Variants in AK4 observed in about 807,000 individuals in gnomAD.
AK4 encodes the protein adenylate kinase 4, also known as adenylate kinase 4, mitochondrial.
A neutral mutation model predicts 24.6 loss-of-function variants in AK4; 13 were observed. The observed-to-expected ratio is 0.53, with a 90% CI of 0.34 to 0.84. The LOEUF is 0.84. Among genes scored for constraint, AK4 ranks in the 40% least tolerant of loss-of-function variants. AK4 has a pLI of 0.01. For synonymous variants in AK4, 88 were observed against 107.0 expected, an observed-to-expected ratio of 0.82 and a Z score of 1.10; for missense variants, 192 against 288.2, an observed-to-expected ratio of 0.67 and a Z score of 2.42.
At chr1:65,203,448 A>G (rs1651724525) in intron 2 of AK4, among the ~76,000 whole-genome samples, 1 of 152,188 alleles carries the variant, frequency 6.6e-6, no homozygotes, top group Non-Finnish European at 1.5e-5. Context: ...AAATACTGTC[A>G]TTCTAATGAA....
chr1:65,199,250 A>G (rs1278804813), intron 2 of AK4, among the ~76,000 whole-genome samples: 1 of 152,078 alleles, frequency 6.6e-6, no homozygotes, highest in East Asian at 1.9e-4. Context: ...TTTGGTTTGC[A>G]TAAAAAAATT....
chr1:65,150,256 T>C (rs974666682), intron 1 of AK4, among the ~76,000 whole-genome samples: 21 of 147,166 alleles, frequency 1.4e-4, no homozygotes, highest in Admixed American at 4.9e-4. Context: ...TTTGCTCTTT[T>C]CCCTTGTTCT....
rs12404260 is a variant in AK4 at position 65,183,280 on chromosome 1, T to C, written c.146-7430T>C. ...TTTTATTTTGTTTTGAGTCAGAGTC[T>C]TGCTCTGTCGCCCAAGCTGGAGTGA... is the stretch of plus-strand genomic sequence containing the variant. On this transcript the variant is annotated intron_variant, in intron 1 of 4. Transcript: ENST00000327299. Among the ~76,000 whole-genome samples, 326 of 152,306 alleles carry C rather than the reference T, an allele frequency of 2.1e-3. 1 individual carries two copies. The highest frequency in any genetic ancestry group is 3.8e-3 in the Admixed American group (58 of 15,292).
Position 65,172,797 on chromosome 1 carries a change from T to A in AK4, c.146-17913T>A, listed in dbSNP as rs557010983. On this transcript the variant is annotated intron_variant, in intron 1 of 4. Coordinates refer to ENST00000327299, the MANE Select transcript of AK4 (RefSeq NM_013410.4). ...TCCAGAGTTGCAAGATGAAATGCGA[T>A]GCTTTCTTCTCTTCTTCTTCGCTAT... 2.0e-5 allele frequency among the ~76,000 whole-genome samples: 3 copies of A among 152,012 alleles called. No homozygotes were observed. In the South Asian group the frequency reaches 6.2e-4, roughly 32 times the overall value.
At chr1:65,185,105 C>T (rs1651053005) in intron 1 of AK4, among the ~76,000 whole-genome samples, 1 of 152,158 alleles carries the variant, frequency 6.6e-6, no homozygotes, top group East Asian at 1.9e-4. Context: ...GAAGGTCTTC[C>T]TCCACTGCTT....
At chr1:65,183,752 C>T (rs549175281) in intron 1 of AK4, among the ~76,000 whole-genome samples, 1 of 151,510 alleles carries the variant, frequency 6.6e-6, no homozygotes, top group Non-Finnish European at 1.5e-5. Flanking sequence ...CTTATTGGCT[C>T]TTCTACTTAC....
intron 1 of AK4, among the ~76,000 whole-genome samples, chr1:65,160,627 C>A (rs1311297445): frequency 2.0e-5 from 3 of 152,092 alleles, no homozygotes; most frequent in African/African-American, 4.8e-5. Context: ...TGAGGTCTTG[C>A]TCTGTTGCTC....
chr1:65,209,669 GAC>G (rs1257526159), intron 2 of AK4, among the ~76,000 whole-genome samples: 4 of 152,300 alleles, frequency 2.6e-5, no homozygotes, highest in African/African-American at 9.6e-5. Flanking sequence ...CCCAACTTGA[GAC>G]ACAGATGTAG....
rs1306284482 is a variant in AK4, at chr1:65,227,025, A to AC, written c.*848_*849insC. 2.1e-5 allele frequency: 3 copies of AC among 145,368 alleles called. No individual in the cohort carries two copies. The highest frequency in any genetic ancestry group is 4.0e-4 in the East Asian group (2 of 5,014). 9.0% of individuals were successfully genotyped at this position (145,368 alleles called of 1,614,324 possible). On this transcript the variant is annotated 3_prime_UTR_variant, in exon 5 of 5. Coordinates refer to ENST00000327299, the MANE Select transcript of AK4 (RefSeq NM_013410.4). ...CCTTTCTTTTATTGTGAAAAAAAAA[A>AC]AAAACCCTGAAAGTCTTGGGAACCC...
At chr1:65,152,381 TA>T (rs1649822905) in intron 1 of AK4, among the ~76,000 whole-genome samples, 5 of 60,484 alleles carry the variant, frequency 8.3e-5, no homozygotes, top group Non-Finnish European at 1.2e-4. Flanking sequence ...TATATATATA[TA>T]TATTTTTTTT....
chr1:65,181,584 G>A (rs920809927), intron 1 of AK4, among the ~76,000 whole-genome samples: 4 of 151,922 alleles, frequency 2.6e-5, no homozygotes, highest in Non-Finnish European at 5.9e-5. Context: ...ACGGGGATTC[G>A]CCATTGTTGG....
chr1:65,223,436 G>A (rs1037951873), intron 3 of AK4, among the ~76,000 whole-genome samples: 10 of 151,826 alleles, frequency 6.6e-5, no homozygotes, highest in Non-Finnish European at 1.2e-4. Flanking sequence ...TGATCCGCCC[G>A]CCTTGGCCTC....
At chr1:65,216,895 CT>C (rs1652149735) in intron 2 of AK4, among the ~76,000 whole-genome samples, 1 of 151,826 alleles carries the variant, frequency 6.6e-6, no homozygotes, top group African/African-American at 2.4e-5. Context: ...GAGATGGGTT[CT>C]CTCTACATTG....
At chr1:65,170,456 A>T (rs1650477885) in intron 1 of AK4, among the ~76,000 whole-genome samples, 1 of 152,198 alleles carries the variant, frequency 6.6e-6, no homozygotes, top group African/African-American at 2.4e-5. Flanking sequence ...GGTGCTTTGA[A>T]TGTCATGTTT....
intron 2 of AK4, among the ~76,000 whole-genome samples, chr1:65,201,397 A>C (rs144318754): frequency 4.1e-4 from 62 of 152,284 alleles, no homozygotes; most frequent in African/African-American, 1.4e-3. Context: ...TATAGTAGAC[A>C]ATGGTGGCTT....
At chr1:65,182,778 G>A (rs1432903634) in intron 1 of AK4, among the ~76,000 whole-genome samples, 1 of 152,174 alleles carries the variant, frequency 6.6e-6, no homozygotes, top group Non-Finnish European at 1.5e-5. Flanking sequence ...ATAGTGAAAG[G>A]TGGATTGGCT....
intron 1 of AK4, among the ~76,000 whole-genome samples, chr1:65,189,261 G>T (rs1382492098): frequency 2.7e-5 from 4 of 150,314 alleles, no homozygotes; most frequent in Non-Finnish European, 4.4e-5. Context: ...AAACTGAATT[G>T]GTCTGTTGAG....
chr1:65,197,167 G>A (rs2101050321), intron 2 of AK4, among the ~76,000 whole-genome samples: 1 of 152,270 alleles, frequency 6.6e-6, no homozygotes, highest in East Asian at 1.9e-4. Context: ...ACCACATCAG[G>A]CCAGCAGTGA....
At chr1:65,188,861 G>A (rs1341148428) in intron 1 of AK4, among the ~76,000 whole-genome samples, 2 of 151,990 alleles carry the variant, frequency 1.3e-5, no homozygotes, top group African/African-American at 2.4e-5. Context: ...TGCAACCTCC[G>A]CCTCCCAGGT....
Sources: allele counts gnomAD v4.1 joint callset (sites outside exome capture counted in the v4.1 genomes callset), GRCh38; gene constraint gnomAD v4.1.1; transcripts MANE v1.5; gene names NCBI Gene and HGNC (gene_info 2026-07-23, HGNC 2026-07-21).